ZNF177: variants seen among roughly 807,000 people sequenced by gnomAD.
The protein encoded by ZNF177 is zinc finger protein 177.
In ZNF177, 17 loss-of-function variants were observed where a neutral mutation model predicts 19.4. The observed-to-expected ratio is 0.87, with a 90% confidence interval of 0.60 to 1.31. ZNF177 has a LOEUF of 1.31. ZNF177 is among the 40% of genes most tolerant of loss of function. The pLI is 0.00. For synonymous variants in ZNF177, 220 were observed against 188.7 expected, an observed-to-expected ratio of 1.17 and a Z score of -1.36; for missense variants, 633 against 561.8, an observed-to-expected ratio of 1.13 and a Z score of -1.28.
chr19:9,378,230 A>ACT (rs1162820468), intron 1 of ZNF177, 29 bp from the exon 4 acceptor site: 60 of 1,586,018 alleles, frequency 3.8e-5, no homozygotes, highest in Non-Finnish European at 4.9e-5. Context: ...GCAGGCCTAG[A>ACT]CTCTAATGGC....
At chr19:9,379,493 A>G (rs573652974) in intron 3 of ZNF177, 34 bp from the exon 6 acceptor site, 2 of 1,602,252 alleles carry the variant, frequency 1.2e-6, no homozygotes, top group African/African-American at 1.3e-5. Context: ...ATTCTCACAC[A>G]TTTCTCCCAC....
At chr19:9,375,291 T>C (rs1176838413), upstream of ZNF177, among the ~76,000 whole-genome samples, 1 of 152,168 alleles carries the variant, frequency 6.6e-6, no homozygotes. Context: ...TATTGGCTTG[T>C]AGTTTTTTGC....
At chr19:9,379,542 G>C in exon 4 of ZNF177, 1 of 1,613,818 alleles carries the variant, frequency 6.2e-7, no homozygotes, top group Non-Finnish European at 8.5e-7. Context: ...CAGCTCTGCA[G>C]ACACAGTCTG....
chr19:9,363,760 T>A (rs1568379145), intron 1 of ZNF177, among the ~76,000 whole-genome samples: 1 of 152,222 alleles, frequency 6.6e-6, no homozygotes, highest in Non-Finnish European at 1.5e-5. Context: ...TTCTTTTGGA[T>A]GTTTACATAT....
At chr19:9,364,445 A>G (rs1254487206) in intron 1 of ZNF177, among the ~76,000 whole-genome samples, 1 of 152,158 alleles carries the variant, frequency 6.6e-6, no homozygotes, top group African/African-American at 2.4e-5. Context: ...CGAGAGCAAT[A>G]GTGGAGGCAG....
At chr19:9,380,563 G>T in intron 5 of ZNF177, 105 bp from the exon 8 acceptor site, 3 of 1,532,812 alleles carry the variant, frequency 2.0e-6, no homozygotes, top group Non-Finnish European at 2.6e-6. Context: ...TGTCAGTCAT[G>T]ATCATGTGCT....
At chr19:9,381,502 A>G (rs753529388) in exon 6 of ZNF177, 3 of 1,614,050 alleles carry the variant, frequency 1.9e-6, no homozygotes, top group African/African-American at 1.3e-5. Flanking sequence ...ACGCTCTCAC[A>G]CTGGAGAGAA....
intron 4 of ZNF177, 77 bp downstream of exon 6, chr19:9,379,696 AAAG>A (rs2068162828): frequency 6.6e-7 from 1 of 1,505,544 alleles, no homozygotes; most frequent in Non-Finnish European, 9.0e-7. Flanking sequence ...CAGTGAAGGA[AAAG>A]AAATCTGAGG....
At chr19:9,363,616 G>A (rs1339746470) in intron 1 of ZNF177, among the ~76,000 whole-genome samples, 1 of 152,138 alleles carries the variant, frequency 6.6e-6, no homozygotes, top group Admixed American at 6.5e-5. Context: ...AAGTTGTTGG[G>A]TCAAAGCATA....
At chr19:9,369,443 T>C (rs1284029669) in intron 2 of ZNF177, among the ~76,000 whole-genome samples, 1 of 152,136 alleles carries the variant, frequency 6.6e-6, no homozygotes, top group Non-Finnish European at 1.5e-5. Flanking sequence ...AATATTCACC[T>C]GGTATATCTT....
exon 6 of ZNF177, chr19:9,381,998 TTTAG>T: frequency 3.2e-6 from 2 of 634,560 alleles, no homozygotes; most frequent in Middle Eastern, 4.1e-4. Flanking sequence ...CTATGAATAT[TTTAG>T]TTATCTTTTC....
intron 1 of ZNF177, 91 bp downstream of exon 1, chr19:9,363,175 C>T (rs1424846902): frequency 6.6e-6 from 1 of 152,364 alleles, no homozygotes; most frequent in Non-Finnish European, 1.5e-5. Flanking sequence ...TTGCCTGCAG[C>T]TTCCCGCCCC....
At chr19:9,363,886 A>G (rs1020012599) in intron 1 of ZNF177, among the ~76,000 whole-genome samples, 3 of 152,144 alleles carry the variant, frequency 2.0e-5, no homozygotes, top group African/African-American at 7.2e-5. Context: ...AGAAGGAGCA[A>G]TCCTTGCTGC....
At chr19:9,373,844 T>G (rs1052211046), upstream of ZNF177, among the ~76,000 whole-genome samples, 2 of 152,198 alleles carry the variant, frequency 1.3e-5, no homozygotes, top group Non-Finnish European at 2.9e-5. Flanking sequence ...GCAGATTCTT[T>G]CTCCCATTCC....
chr19:9,380,628 T>G, intron 5 of ZNF177, 40 bp from the exon 8 acceptor site: 1 of 1,535,812 alleles, frequency 6.5e-7, no homozygotes, highest in Non-Finnish European at 8.7e-7. Flanking sequence ...AAGGTGAAAG[T>G]GAAAAAGCCT....
Position 9,380,996 on chromosome 19 carries a change from G to A in ZNF177, c.665G>A (p.Arg222His), listed in dbSNP as rs142948377. The change falls in exon 6 of 6, where the codon CGT (arginine) becomes CAT (histidine). Residue 222 changes from arginine (R) to histidine (H), a missense_variant. Coordinates refer to ENST00000589262, the Ensembl canonical transcript of ZNF177. Reference sequence around the variant, plus strand: ...AGCCTACACTCTTCCTGCTCAGTACGTGAGCAAATACCTACTGGAGAGAAA... The same window carrying A: ...AGCCTACACTCTTCCTGCTCAGTACATGAGCAAATACCTACTGGAGAGAAA... The A allele has an allele frequency of 5.6e-4, 885 of 1,566,986 alleles. 5 individuals carry two copies. The African/African-American group carries it at 9.8e-3, about 17-fold the overall frequency.
chr19:9,363,873 A>G (rs965494542), intron 1 of ZNF177, among the ~76,000 whole-genome samples: 1 of 152,220 alleles, frequency 6.6e-6, no homozygotes, highest in Non-Finnish European at 1.5e-5. Context: ...CCTCCGAAAC[A>G]TTAGAAGGAG....
upstream of ZNF177, chr19:9,371,657 T>A (rs1214388689): frequency 6.6e-6 from 1 of 152,152 alleles, no homozygotes; most frequent in Admixed American, 6.5e-5. Flanking sequence ...TGGGAAAAAA[T>A]CAAATACCAA....
chr19:9,382,371 C>A, downstream of ZNF177: 1 of 398,746 alleles, frequency 2.5e-6, no homozygotes, highest in East Asian at 3.6e-5. Context: ...TTTGTCTTGT[C>A]CCTTATTTCC....
Sources: gnomAD v4.1 joint callset for allele counts (sites outside exome capture counted in the v4.1 genomes callset) on GRCh38, gnomAD v4.1.1 for gene constraint, MANE v1.5 for transcripts, NCBI Gene and HGNC (gene_info 2026-07-23, HGNC 2026-07-21) for gene names.